The following MCU variants were observed in gnomAD, a reference collection of about 807,000 sequenced individuals.
MCU encodes the protein mitochondrial calcium uniporter.
A neutral mutation model predicts 45.2 loss-of-function variants in MCU; 12 were observed. The observed-to-expected ratio is 0.27, with a 90% CI of 0.17 to 0.43. The LOEUF (loss-of-function observed/expected upper bound fraction) is 0.43, where lower values mean the gene tolerates loss of function less well. Among genes scored for constraint, MCU ranks in the 20% least tolerant of loss-of-function variants. The probability of loss-of-function intolerance (pLI) is 1.00; values close to 1 mark genes in which losing one functional copy is unlikely to be tolerated. For synonymous variants in MCU, 160 were observed against 165.1 expected (o/e 0.97, Z 0.24); for missense variants, 324 against 436.7 (o/e 0.74, Z 2.30).
chr10:72,868,720 A>C lies in MCU; in HGVS notation c.514A>C (p.Asn172His). ...TGTTTCAGACCTCTTAAGTCATGAAAATGCAGCAACGCTGAATGATGTAAA... is the reference window on the plus strand; with the variant it reads ...TGTTTCAGACCTCTTAAGTCATGAACATGCAGCAACGCTGAATGATGTAAA... ...PPKRDLLSHE[N>H]AATLNDVKTL... is the part of the protein sequence containing the mutation. Residue 172 changes from asparagine to histidine, a missense_variant, in exon 5 of 8, where the codon AAT (asparagine) becomes CAT (histidine). Physicochemically the swap from Asn to His is moderately conservative, Grantham distance 68. Coordinates refer to ENST00000373053, the MANE Select transcript of MCU (RefSeq NM_138357.3). The C allele has an allele frequency of 3.1e-6, 5 of 1,613,644 alleles. No homozygotes were observed. Among genetic ancestry groups the C allele is most frequent in the Non-Finnish European group, 4.2e-6 (5 of 1,179,864 alleles).
At chr10:72,706,573 C>T (rs1490918327) in intron 1 of MCU, among the ~76,000 whole-genome samples, 1 of 150,938 alleles carries the variant, frequency 6.6e-6, no homozygotes, top group African/African-American at 2.4e-5. Context: ...GAGTCTCGCT[C>T]TGTCGCCAGG....
At chr10:72,812,259 T>C (rs893902240) in intron 1 of MCU, among the ~76,000 whole-genome samples, 1 of 152,154 alleles carries the variant, frequency 6.6e-6, no homozygotes, top group Middle Eastern at 3.4e-3. Flanking sequence ...AATTCTCCTG[T>C]CTCAGCCTCC....
At chr10:72,821,317 A>C (rs556533257) in intron 1 of MCU, among the ~76,000 whole-genome samples, 2 of 152,230 alleles carry the variant, frequency 1.3e-5, no homozygotes, top group African/African-American at 4.8e-5. Flanking sequence ...CCTTCATATA[A>C]AATGTAATTA....
intron 1 of MCU, among the ~76,000 whole-genome samples, chr10:72,706,686 G>C (rs778372284): frequency 6.6e-6 from 1 of 151,082 alleles, no homozygotes; most frequent in Non-Finnish European, 1.5e-5. Flanking sequence ...ACAGGCGTGC[G>C]CCACCACATC....
chr10:72,779,570 AC>A (rs2132749312), intron 1 of MCU, among the ~76,000 whole-genome samples: 1 of 152,160 alleles, frequency 6.6e-6, no homozygotes, highest in African/African-American at 2.4e-5. Context: ...TTTTTAAAAA[AC>A]CTCTCACAAC....
At chr10:72,873,574 A>G (rs567259846) in intron 6 of MCU, among the ~76,000 whole-genome samples, 2 of 152,188 alleles carry the variant, frequency 1.3e-5, no homozygotes, top group South Asian at 4.1e-4. Flanking sequence ...CACTCTGCTG[A>G]CCGTTTCCTT....
chr10:72,868,592 T>G, intron 4 of MCU, 111 bp from the exon 5 acceptor site: 1 of 952,194 alleles, frequency 1.1e-6, no homozygotes, highest in Non-Finnish European at 1.6e-6. Context: ...TCCTTCAGTT[T>G]AACACTGAAG....
At chr10:72,827,868 C>T (rs1305867195) in intron 1 of MCU, among the ~76,000 whole-genome samples, 3 of 152,158 alleles carry the variant, frequency 2.0e-5, no homozygotes, top group Non-Finnish European at 4.4e-5. Context: ...TCTTCCCACT[C>T]CAGTGTTTTC....
At chr10:72,699,621 T>G in intron 1 of MCU, among the ~76,000 whole-genome samples, 2 of 143,580 alleles carry the variant, frequency 1.4e-5, no homozygotes. Flanking sequence ...TGAGATGGAG[T>G]CACGCTGTCG....
chr10:72,843,188 C>T (rs1311298814), intron 2 of MCU, among the ~76,000 whole-genome samples: 1 of 152,128 alleles, frequency 6.6e-6, no homozygotes, highest in Non-Finnish European at 1.5e-5. Context: ...TTAGGGTTTA[C>T]GCTTGGTGTT....
intron 1 of MCU, among the ~76,000 whole-genome samples, chr10:72,747,047 AG>A (rs1462416003): frequency 3.3e-5 from 5 of 152,210 alleles, no homozygotes; most frequent in Non-Finnish European, 7.3e-5. Flanking sequence ...ATAACGAAAA[AG>A]TTAGGGACTA....
chr10:72,701,091 A>G (rs780669893), intron 1 of MCU, among the ~76,000 whole-genome samples: 1 of 152,198 alleles, frequency 6.6e-6, no homozygotes, highest in African/African-American at 2.4e-5. Context: ...GAGGATGTTT[A>G]AGAGCACTGT....
intron 6 of MCU, among the ~76,000 whole-genome samples, chr10:72,881,582 G>C (rs1442530970): frequency 2.6e-5 from 4 of 152,112 alleles, no homozygotes; most frequent in African/African-American, 9.7e-5. Flanking sequence ...CATGAAGAGG[G>C]TAAATAGGCT....
intron 4 of MCU, among the ~76,000 whole-genome samples, chr10:72,863,747 C>G (rs1425826525): frequency 6.6e-6 from 1 of 152,126 alleles, no homozygotes; most frequent in Non-Finnish European, 1.5e-5. Context: ...CTCCCTGTAA[C>G]TGGGATTACA....
chr10:72,716,863 AC>A (rs1842961217), intron 1 of MCU, among the ~76,000 whole-genome samples: 1 of 152,120 alleles, frequency 6.6e-6, no homozygotes, highest in African/African-American at 2.4e-5. Flanking sequence ...ACAGAGCAAG[AC>A]CCTGTTTCTT....
chr10:72,805,101 C>CCCTTTCTTTCTTTCTT (rs1554824916), intron 1 of MCU, among the ~76,000 whole-genome samples: 1 of 103,398 alleles, frequency 9.7e-6, no homozygotes, highest in Non-Finnish European at 1.9e-5. Flanking sequence ...TTCTTTCTTT[C>CCCTTTCTTTCTTTCTT]TCTTTCTTTC....
Position 72,861,202 on chromosome 10 carries a change from T to C in MCU, c.496+675T>C, listed in dbSNP as rs941721804. 4.6e-5 allele frequency among the ~76,000 whole-genome samples: 7 copies of C among 152,040 alleles called. No homozygotes were observed. In the East Asian group the frequency reaches 1.4e-3, roughly 29 times the overall value. On this transcript the variant is annotated intron_variant, in intron 4 of 7. Coordinates refer to ENST00000373053, the MANE Select transcript of MCU (RefSeq NM_138357.3). ...CACCATGCCTGGATAATTTTTTTTC[T>C]TTTTGTAGAGATGAAGTCTCACTAT...
intron 1 of MCU, among the ~76,000 whole-genome samples, chr10:72,753,643 G>A (rs1176844301): frequency 6.6e-6 from 1 of 152,202 alleles, no homozygotes; most frequent in African/African-American, 2.4e-5. Context: ...GAGAGGCTGA[G>A]GCTGGTAGAT....
At chr10:72,755,394 C>A (rs989130155) in intron 1 of MCU, among the ~76,000 whole-genome samples, 15 of 152,040 alleles carry the variant, frequency 9.9e-5, no homozygotes, top group Middle Eastern at 3.4e-3. Flanking sequence ...GTGACCCACC[C>A]GCCTTGGCCT....
Sources: allele counts gnomAD v4.1 joint callset (sites outside exome capture counted in the v4.1 genomes callset), GRCh38; gene constraint gnomAD v4.1.1; transcripts MANE v1.5; gene names NCBI Gene and HGNC (gene_info 2026-07-23, HGNC 2026-07-21).